The following ROCK1 variants were observed in gnomAD, a reference collection of about 807,000 sequenced individuals.
The protein encoded by ROCK1 is rho-associated protein kinase 1.
A neutral mutation model predicts 196.8 loss-of-function variants in ROCK1; 36 were observed. That is an observed-to-expected ratio of 0.18 (90% CI 0.14 to 0.24). ROCK1 has a LOEUF of 0.24. Among genes scored for constraint, ROCK1 ranks in the 10% least tolerant of loss-of-function variants. The pLI is 1.00. For missense variants in ROCK1, 920 were observed against 1,562.0 expected (o/e 0.59, Z 6.93); for synonymous variants, 443 against 515.9 (o/e 0.86, Z 1.91).
intron 17 of ROCK1, 85 bp from the exon 18 acceptor site, chr18:20,991,411 G>T: frequency 2.3e-6 from 2 of 861,792 alleles, no homozygotes; most frequent in South Asian, 2.0e-5. Context: ...TTCTGGAAGA[G>T]ATATGATGCC....
At chr18:20,981,137 G>A (rs776031626) in intron 21 of ROCK1, among the ~76,000 whole-genome samples, 23 of 152,002 alleles carry the variant, frequency 1.5e-4, no homozygotes, top group Non-Finnish European at 2.8e-4. Flanking sequence ...GCTCACGCCT[G>A]TAATTCCAGC....
intron 27 of ROCK1, among the ~76,000 whole-genome samples, chr18:20,960,479 C>T (rs2035316633): frequency 6.6e-6 from 1 of 151,522 alleles, no homozygotes; most frequent in South Asian, 2.1e-4. Context: ...AAGAGCCAGG[C>T]AAGACTGGAA....
intron 1 of ROCK1, among the ~76,000 whole-genome samples, chr18:21,093,474 T>C (rs1413253140): frequency 6.6e-6 from 1 of 152,180 alleles, no homozygotes; most frequent in Non-Finnish European, 1.5e-5. Flanking sequence ...TTAATTCAAT[T>C]TTACAGATTG....
At chr18:21,090,291 C>T (rs2143583423) in intron 1 of ROCK1, among the ~76,000 whole-genome samples, 1 of 152,298 alleles carries the variant, frequency 6.6e-6, no homozygotes, top group Middle Eastern at 3.4e-3. Flanking sequence ...CAGTGTGACC[C>T]TGTCTCTATT....
At chr18:21,070,036 C>A (rs1266330397) in intron 2 of ROCK1, among the ~76,000 whole-genome samples, 1 of 151,828 alleles carries the variant, frequency 6.6e-6, no homozygotes, top group Admixed American at 6.6e-5. Flanking sequence ...ATCAAACTTA[C>A]ATGTATCAAT....
intron 16 of ROCK1, among the ~76,000 whole-genome samples, chr18:21,003,560 G>T (rs2035744526): frequency 6.6e-6 from 1 of 152,080 alleles, no homozygotes; most frequent in Non-Finnish European, 1.5e-5. Context: ...AAATTAGGAT[G>T]TATTTACAAA....
rs138605457 is a variant in ROCK1 at position 20,996,554 on chromosome 18, C to A, written c.1886-3617G>T. 7.5e-3 allele frequency among the ~76,000 whole-genome samples: 1,148 copies of A among 152,090 alleles called. 13 individuals carry two copies. The highest frequency in any genetic ancestry group is 0.026 in the African/African-American group (1,078 of 41,482). ...AAATCTAGAAAAAGATACCAATATT[C>A]AAGCACAAGAAGGTTCTAAGGGTTC... is the stretch of plus-strand genomic sequence containing the variant. On this transcript the variant is annotated intron_variant, in intron 16 of 32. Coordinates refer to ENST00000399799, the MANE Select transcript of ROCK1 (RefSeq NM_005406.3).
At chr18:21,023,761 C>T (rs904202288) in intron 10 of ROCK1, 81 bp from the exon 11 acceptor site, 15 of 657,956 alleles carry the variant, frequency 2.3e-5, no homozygotes, top group Admixed American at 9.5e-5. Context: ...AAATACTACA[C>T]GCCTATTTTA....
intron 8 of ROCK1, 74 bp downstream of exon 8, chr18:21,042,023 T>C (rs1388155096): frequency 7.4e-7 from 1 of 1,350,622 alleles, no homozygotes; most frequent in Non-Finnish European, 1.0e-6. Context: ...GAAGCTCAGA[T>C]ATGGACCTTA....
intron 1 of ROCK1, among the ~76,000 whole-genome samples, chr18:21,098,213 G>C (rs1348257364): frequency 6.6e-6 from 1 of 152,156 alleles, no homozygotes; most frequent in Non-Finnish European, 1.5e-5. Context: ...TTGACACAGT[G>C]TGGTATTAGC....
intron 13 of ROCK1, among the ~76,000 whole-genome samples, chr18:21,009,334 T>A (rs1453618381): frequency 1.3e-5 from 2 of 151,552 alleles, no homozygotes; most frequent in Non-Finnish European, 2.9e-5. Flanking sequence ...TTTTTTTTTT[T>A]AACTCAACAT....
chr18:21,031,099 T>C (rs2036002126), intron 9 of ROCK1, among the ~76,000 whole-genome samples: 1 of 152,112 alleles, frequency 6.6e-6, no homozygotes, highest in Admixed American at 6.5e-5. Context: ...AGTCACTAAA[T>C]GAATGAATGA....
At chr18:21,081,202 C>T (rs1342892026) in intron 1 of ROCK1, among the ~76,000 whole-genome samples, 1 of 151,854 alleles carries the variant, frequency 6.6e-6, no homozygotes, top group Non-Finnish European at 1.5e-5. Context: ...AACTACTAAA[C>T]AATAATAGGG....
chr18:21,033,222 GA>G (rs912735820), intron 9 of ROCK1, among the ~76,000 whole-genome samples: 48 of 151,236 alleles, frequency 3.2e-4, no homozygotes, highest in African/African-American at 1.0e-3. Context: ...ATAAAATGAA[GA>G]AAAAAAACCC....
intron 24 of ROCK1, 93 bp from the exon 25 acceptor site, chr18:20,968,953 A>G: frequency 1.0e-6 from 1 of 963,716 alleles, no homozygotes; most frequent in Non-Finnish European, 1.6e-6. Context: ...AAATAAGTAT[A>G]CATTACATAG....
At chr18:21,042,524 G>A (rs1568392250) in intron 7 of ROCK1, 41 bp downstream of exon 7, 2 of 1,584,264 alleles carry the variant, frequency 1.3e-6, no homozygotes, top group Non-Finnish European at 1.7e-6. Flanking sequence ...GTTTTGAGAT[G>A]AACAACTGTA....
intron 16 of ROCK1, among the ~76,000 whole-genome samples, chr18:21,004,907 G>A (rs548777674): frequency 6.6e-6 from 1 of 152,252 alleles, no homozygotes; most frequent in Admixed American, 6.5e-5. Flanking sequence ...CCTCAGCTAA[G>A]AACCAACAGG....
At chr18:21,090,614 G>C (rs2036561499) in intron 1 of ROCK1, among the ~76,000 whole-genome samples, 1 of 152,200 alleles carries the variant, frequency 6.6e-6, no homozygotes, top group Non-Finnish European at 1.5e-5. Context: ...CCCCCGGATA[G>C]GTACAGTTTA....
intron 10 of ROCK1, among the ~76,000 whole-genome samples, chr18:21,023,993 G>C (rs1473480439): frequency 6.6e-6 from 1 of 152,106 alleles, no homozygotes; most frequent in East Asian, 1.9e-4. Context: ...TTCAGATTAG[G>C]CTTTCTGGTC....
Sources: allele counts gnomAD v4.1 joint callset (sites outside exome capture counted in the v4.1 genomes callset), GRCh38; gene constraint gnomAD v4.1.1; transcripts MANE v1.5; gene names NCBI Gene and HGNC (gene_info 2026-07-23, HGNC 2026-07-21).